The following SSX5 variants were observed in gnomAD, a reference collection of about 807,000 sequenced individuals.
SSX5 encodes SSX family member 5, also known as protein SSX5.
SSX5 carries 14 observed loss-of-function variants against 14.9 expected under a neutral mutation model. The ratio of observed to expected loss-of-function variants is 0.94; its 90% CI spans 0.62 to 1.47. SSX5 has a LOEUF of 1.47. SSX5 is among the 40% of genes most tolerant of loss of function. The pLI is 0.00. For synonymous variants in SSX5, 70 were observed against 55.4 expected (o/e 1.26, Z -1.17); for missense variants, 204 against 154.6 (o/e 1.32, Z -1.70).
At chrX:48,188,649 G>A (rs1240841522) in intron 6 of SSX5, among the ~76,000 whole-genome samples, 4 of 111,503 alleles carry the variant, frequency 3.6e-5, no homozygotes, top group African/African-American at 9.8e-5. Context: ...TACAATGGCC[G>A]CTAAGTGTTG....
intron 6 of SSX5, among the ~76,000 whole-genome samples, chrX:48,188,815 G>A (rs536669505): frequency 1.8e-4 from 20 of 112,492 alleles, no homozygotes; most frequent in African/African-American, 6.1e-4. Flanking sequence ...GTTCTTGAAG[G>A]AAGTAATAGT....
intron 6 of SSX5, among the ~76,000 whole-genome samples, chrX:48,188,677 G>A (rs1313119068): frequency 3.6e-5 from 4 of 111,823 alleles, no homozygotes; most frequent in African/African-American, 1.3e-4. Flanking sequence ...AGGAAGAGTC[G>A]CATGTCTCTC....
chrX:48,186,791 T>C lies in SSX5; in HGVS notation c.*70A>G, dbSNP rs782649208. 370 of 1,196,174 alleles carry C rather than the reference T, an allele frequency of 3.1e-4. No individual in the cohort carries two copies. The South Asian group carries it at 6.0e-3, about 19-fold the overall frequency. ...CCTGATGACGAGGGATCCGCAGCCA[T>C]GCCCATGTTCGTGAAAGGTCACCAC... On this transcript the variant is annotated 3_prime_UTR_variant, in exon 8 of 8. Transcript: ENST00000347757.
chrX:48,195,876 A>G (rs2059439120), intron 1 of SSX5, among the ~76,000 whole-genome samples: 1 of 111,591 alleles, frequency 9.0e-6, no homozygotes, highest in South Asian at 3.8e-4. Flanking sequence ...CATCGCTACT[A>G]TGAACGGATT....
intron 1 of SSX5, among the ~76,000 whole-genome samples, chrX:48,196,265 C>T (rs1198990245): frequency 5.8e-4 from 64 of 110,630 alleles, no homozygotes; most frequent in African/African-American, 1.8e-3. Context: ...TCTACTAAAA[C>T]AAAACAAAAT....
At position 48,192,815 on chromosome X, in the gene SSX5, G is replaced by A. The variant is rs1466110254; in HGVS notation, c.281-534C>T. Among the ~76,000 whole-genome samples, 290 of 111,816 alleles carry A rather than the reference G, an allele frequency of 2.6e-3. 1 individual carries two copies. The highest frequency in any genetic ancestry group is 8.7e-3 in the African/African-American group (268 of 30,842). ...TATAGTGATTGTGGGAGATTGTAGA[G>A]TCTGGCCTGTTTAGTTGGCGAGTAA... is the stretch of plus-strand genomic sequence containing the variant. On this transcript the variant is annotated intron_variant, in intron 4 of 7. Transcript: ENST00000347757.
chrX:48,195,490 C>G (rs1556925674), intron 1 of SSX5, 112 bp from the exon 2 acceptor site: 2 of 780,531 alleles, frequency 2.6e-6, no homozygotes, highest in Non-Finnish European at 3.8e-6. Flanking sequence ...AGTTGCATTT[C>G]TCCATCCGTG....
Position 48,192,444 on chromosome X carries a change from G to T in SSX5, c.281-163C>A, listed in dbSNP as rs782063526. On this transcript the variant is annotated intron_variant, in intron 4 of 7. Transcript: ENST00000347757. ...TGAATTATGTTTAGTCATGGTTGGT[G>T]CATTTATCTGTGGCATCAATTCAGA... is the stretch of plus-strand genomic sequence containing the variant. 11 of 805,755 alleles carry T rather than the reference G, an allele frequency of 1.4e-5. No individual in the cohort carries two copies. The East Asian group carries it at 2.0e-4, about 15-fold the overall frequency. 66.4% of individuals were successfully genotyped at this position (805,755 alleles called of 1,213,427 possible).
At position 48,187,607 on chromosome X, in the gene SSX5, T is replaced by G; in HGVS notation, c.*4+20A>C. On this transcript the variant is annotated intron_variant, in intron 7 of 7. Transcript: ENST00000347757. ...AGCACATCTGCAAGGATGTGGGAGA[T>G]GAGCCAAAGGTTCACTTACGGAGTT... 27 of 1,197,825 alleles carry G rather than the reference T, an allele frequency of 2.3e-5. No homozygotes were observed. The highest frequency in any genetic ancestry group is 2.9e-5 in the Non-Finnish European group (26 of 884,481).
chrX:48,194,882 G>A, intron 2 of SSX5, 28 bp from the exon 3 acceptor site: 1 of 1,202,319 alleles, frequency 8.3e-7, no homozygotes, highest in Non-Finnish European at 1.1e-6. Flanking sequence ...ATTTCTGATA[G>A]TGACTCAGCT....
At chrX:48,195,190 T>C in intron 2 of SSX5, 100 bp downstream of exon 2, 1 of 1,209,146 alleles carries the variant, frequency 8.3e-7, no homozygotes, top group South Asian at 1.8e-5. Context: ...CCGGAGACCC[T>C]GGTCCTTGTC....
intron 6 of SSX5, 22 bp from the exon 7 acceptor site, chrX:48,187,753 A>G: frequency 8.3e-7 from 1 of 1,199,992 alleles, no homozygotes; most frequent in South Asian, 1.8e-5. Context: ...AAGAGTTGGA[A>G]GATGAGGGTT....
At position 48,195,323 on chromosome X, in the gene SSX5, C is replaced by G. The variant is rs781796534; in HGVS notation, c.36G>C (p.Arg12Ser). ...NGDDAFVRRP[R>S]VGSQIPEKMQ... ...TCTTCTCTGGTATTTGAGAACCAAC[C>G]CTAGGTCTCCGTACAAAGGCATCGT... Residue 12 changes from arginine (R) to serine (S), a missense_variant, in exon 2 of 8, where the codon AGG becomes AGC. By Grantham distance (110) the Arg-to-Ser change is moderately radical. Coordinates refer to ENST00000347757, the MANE Select transcript of SSX5 (RefSeq NM_175723.2). 1.7e-6 allele frequency: 2 copies of G among 1,209,863 alleles called. No individual in the cohort carries two copies. The highest frequency in any genetic ancestry group is 4.4e-5 in the Admixed American group (2 of 45,682).
intron 5 of SSX5, among the ~76,000 whole-genome samples, chrX:48,190,508 C>A (rs1277524167): frequency 8.9e-6 from 1 of 111,963 alleles, no homozygotes; most frequent in Non-Finnish European, 1.9e-5. Context: ...TTAAGACTGA[C>A]ATTCTTGCAA....
chrX:48,187,875 TCA>T, intron 6 of SSX5, 144 bp from the exon 7 acceptor site: 1 of 807,184 alleles, frequency 1.2e-6, no homozygotes, highest in Non-Finnish European at 1.8e-6. Context: ...ATCCAGTTTT[TCA>T]CATTCTCTGG....
In SSX5 at chrX:48,190,263, C is replaced by G. The variant is rs138350645; in HGVS notation, c.336G>C (p.Thr112=). ...TTCCTTCCTCTGCTGGCTTCTCGGG[C>G]GTGATCTTTATAATGTGAAGGTCAC... is the stretch of plus-strand genomic sequence containing the variant. The part of the protein sequence containing the change: ...GRLQGIFPKI[T]PEKPAEEGND... Residue 112 remains threonine (T), a synonymous_variant, in exon 6 of 8, where the codon ACG becomes ACC. Coordinates refer to ENST00000347757, the MANE Select transcript of SSX5 (RefSeq NM_175723.2). The G allele has an allele frequency of 9.6e-4, 1,151 of 1,197,098 alleles. No homozygotes were observed. Among genetic ancestry groups the G allele is most frequent in the Admixed American group, 1.1e-3 (47 of 43,539 alleles).
At chrX:48,187,817 CA>C (rs34516797) in intron 6 of SSX5, 86 bp from the exon 7 acceptor site, 1 of 1,086,602 alleles carries the variant, frequency 9.2e-7, no homozygotes, top group South Asian at 2.0e-5. Flanking sequence ...CTGTTTTCTC[CA>C]AAAAAGGAGA....
rs781979272 is a variant in SSX5, at chrX:48,195,374, C to T, written c.-16G>A. ...CTCCGTTCATGGCACCGGGAGCACT[C>T]TGTCCTACAAGAGAAACAGTCTGAG... is the stretch of plus-strand genomic sequence containing the variant. On this transcript the variant is annotated 5_prime_UTR_variant, in exon 2 of 8. Coordinates refer to ENST00000347757, the MANE Select transcript of SSX5 (RefSeq NM_175723.2). 3.3e-6 allele frequency: 4 copies of T among 1,209,760 alleles called. No homozygotes were observed. The South Asian group carries it at 7.1e-5, about 21-fold the overall frequency.
chrX:48,188,202 C>T (rs1226068816), intron 6 of SSX5, among the ~76,000 whole-genome samples: 2 of 111,869 alleles, frequency 1.8e-5, no homozygotes, highest in African/African-American at 6.5e-5. Context: ...GATATTATTA[C>T]TGCAATTGTT....
Sources: gnomAD v4.1 joint callset for allele counts (sites outside exome capture counted in the v4.1 genomes callset) on GRCh38, gnomAD v4.1.1 for gene constraint, MANE v1.5 for transcripts, NCBI Gene and HGNC (gene_info 2026-07-23, HGNC 2026-07-21) for gene names.